Variants in CCDC18 observed in about 807,000 individuals in gnomAD.
CCDC18 encodes the protein coiled-coil domain-containing protein 18.
Under a neutral mutation model 196.0 loss-of-function variants are expected in CCDC18, and 157 were observed. The ratio of observed to expected loss-of-function variants is 0.80; its 90% CI spans 0.70 to 0.91. The LOEUF (loss-of-function observed/expected upper bound fraction) is 0.91. CCDC18 is among the 40% of genes least tolerant of loss of function. The pLI, the probability that CCDC18 is intolerant of heterozygous loss-of-function variation, is 0.00. For synonymous variants in CCDC18, 482 were observed against 529.2 expected (o/e 0.91, Z 1.22); for missense variants, 1,465 against 1,611.6 (o/e 0.91, Z 1.56).
intron 23 of CCDC18, 141 bp downstream of exon 23, chr1:93,247,095 G>C (rs1661586100): frequency 4.0e-6 from 2 of 494,510 alleles, no homozygotes; most frequent in Admixed American, 3.7e-5. Context: ...GTCGTTCTCT[G>C]TCACCCAGGC....
chr1:93,180,443 A>T, upstream of CCDC18: 1 of 1,326,492 alleles, frequency 7.5e-7, no homozygotes, highest in South Asian at 1.3e-5. Flanking sequence ...CGGGGCTAGC[A>T]GTCCTATTCC....
chr1:93,197,360 G>A (rs1009345525), intron 6 of CCDC18, among the ~76,000 whole-genome samples: 3 of 151,908 alleles, frequency 2.0e-5, no homozygotes, highest in South Asian at 2.1e-4. Context: ...GCTATAAATC[G>A]GTAAGCAATA....
In CCDC18 at chr1:93,258,103, AAATT is replaced by A. The variant is rs371683989; in HGVS notation, c.3547-637_3547-634del. Reference sequence around the variant, plus strand: ...AAATTAATTAAAATTAAATTAATAAAAATTAATTAATAATAATTAATTAAAAGAC... The same window carrying A: ...AAATTAATTAAAATTAAATTAATAAAAATTAATAATAATTAATTAAAAGAC... On this transcript the variant is annotated intron_variant, in intron 25 of 28. Transcript: ENST00000690025. Among the ~76,000 whole-genome samples the A allele has an allele frequency of 2.9e-3, 438 of 150,122 alleles. 2 individuals carry two copies. Among genetic ancestry groups the A allele is most frequent in the East Asian group, 0.018 (94 of 5,184 alleles).
At chr1:93,254,132 CA>C (rs569683921) in intron 23 of CCDC18, among the ~76,000 whole-genome samples, 2 of 152,046 alleles carry the variant, frequency 1.3e-5, no homozygotes, top group Non-Finnish European at 2.9e-5. Context: ...TGGTAGAATA[CA>C]ACTTCTACTT....
upstream of CCDC18, chr1:93,180,095 G>A: frequency 6.2e-7 from 1 of 1,613,584 alleles, no homozygotes; most frequent in Non-Finnish European, 8.5e-7. Flanking sequence ...GGCATGGGCT[G>A]GTAGAAGCAC....
At position 93,270,445 on chromosome 1, in the gene CCDC18, T is replaced by G. The variant is rs1245082317; in HGVS notation, c.3984T>G (p.Ile1328Met). Residue 1328 changes from isoleucine (I) to methionine (M), a missense_variant, in exon 28 of 29, where the codon ATT becomes ATG. Coordinates refer to ENST00000690025, the MANE Select transcript of CCDC18 (RefSeq NM_001378204.1). ...CCCCATTTACATCTCCAACAGAAAT[T>G]ATGCCTGATGTTCAAGATCCAAAAT... is the stretch of plus-strand genomic sequence containing the variant. The part of the protein sequence containing the change: ...LPAPFTSPTE[I>M]MPDVQDPKFA... 1 of 1,550,418 alleles carries G rather than the reference T, an allele frequency of 6.4e-7. No individual in the cohort carries two copies. Among genetic ancestry groups the G allele is most frequent in the Admixed American group, 2.0e-5 (1 of 50,986 alleles).
At chr1:93,193,942 C>A (rs753195164) in intron 6 of CCDC18, among the ~76,000 whole-genome samples, 198 bp downstream of exon 6, 1 of 151,752 alleles carries the variant, frequency 6.6e-6, no homozygotes, top group Non-Finnish European at 1.5e-5. Context: ...TTATTAGCAT[C>A]CTGGATTGGG....
intron 6 of CCDC18, among the ~76,000 whole-genome samples, chr1:93,195,649 A>G (rs1277394932): frequency 6.6e-6 from 1 of 151,970 alleles, no homozygotes; most frequent in Non-Finnish European, 1.5e-5. Flanking sequence ...TGACAGAGGG[A>G]GTTTGTTCCT....
intron 16 of CCDC18, among the ~76,000 whole-genome samples, chr1:93,224,992 CTA>C (rs1658055121): frequency 1.3e-5 from 2 of 152,106 alleles, no homozygotes; most frequent in Admixed American, 1.3e-4. Flanking sequence ...CATATACAGA[CTA>C]TAAGGGTGGT....
In CCDC18 at chr1:93,221,670, T is replaced by C; in HGVS notation, c.2024T>C (p.Met675Thr). Reference sequence around the variant, plus strand: ...AAAGAACAAGAAAAGACTATGTCCATGTTGCAACAAGATATAATATGCAAA... The same window carrying C: ...AAAGAACAAGAAAAGACTATGTCCACGTTGCAACAAGATATAATATGCAAA... ...QFKEQEKTMS[M>T]LQQDIICKQH... Residue 675 changes from methionine to threonine, a missense_variant, in exon 15 of 29, where the codon ATG becomes ACG. Coordinates refer to ENST00000690025, the MANE Select transcript of CCDC18 (RefSeq NM_001378204.1). The C allele has an allele frequency of 6.3e-7, 1 of 1,593,544 alleles. No individual in the cohort carries two copies. Among genetic ancestry groups the C allele is most frequent in the Non-Finnish European group, 8.5e-7 (1 of 1,173,956 alleles).
intron 16 of CCDC18, among the ~76,000 whole-genome samples, chr1:93,223,895 ATT>A (rs200738745): frequency 1.1e-3 from 113 of 102,220 alleles, no homozygotes; most frequent in African/African-American, 4.1e-3. Flanking sequence ...GATTTCATTT[ATT>A]TATACACACA....
chr1:93,264,996 C>A, intron 27 of CCDC18, 95 bp downstream of exon 27: 1 of 792,888 alleles, frequency 1.3e-6, no homozygotes, highest in Non-Finnish European at 2.1e-6. Context: ...GACTATATGA[C>A]CAAATATTGG....
At chr1:93,250,063 C>G (rs1662025097) in intron 23 of CCDC18, among the ~76,000 whole-genome samples, 3 of 151,380 alleles carry the variant, frequency 2.0e-5, no homozygotes, top group Admixed American at 1.3e-4. Flanking sequence ...TATTTTTATT[C>G]CATAGTGGTT....
At position 93,212,239 on chromosome 1, in the gene CCDC18, A is replaced by C. The variant is rs749868799; in HGVS notation, c.1473A>C (p.Val491=). Residue 491 remains valine (V), a synonymous_variant, in exon 11 of 29, where the codon GTA becomes GTC. Coordinates refer to ENST00000690025, the MANE Select transcript of CCDC18 (RefSeq NM_001378204.1). ...TAAGTAGTTTAGAAACAGAACCTGTAAAGCTAGGTGGTCATCAAGTAGGTA... is the reference window on the plus strand; with the variant it reads ...TAAGTAGTTTAGAAACAGAACCTGTCAAGCTAGGTGGTCATCAAGTAGGTA... ...SKLSSLETEP[V]KLGGHQVAES... 6.3e-7 allele frequency: 1 copy of C among 1,599,518 alleles called. No homozygotes were observed. Among genetic ancestry groups the C allele is most frequent in the South Asian group, 1.1e-5 (1 of 87,100 alleles).
At chr1:93,232,286 A>G (rs1254973151) in intron 17 of CCDC18, 140 bp from the exon 18 acceptor site, 11 of 529,892 alleles carry the variant, frequency 2.1e-5, no homozygotes, top group Admixed American at 3.5e-5. Context: ...TGTCCTTCCA[A>G]TGACAAACTA....
At chr1:93,181,159 T>TAA (rs71094239) in intron 1 of CCDC18, among the ~76,000 whole-genome samples, 6 of 89,870 alleles carry the variant, frequency 6.7e-5, no homozygotes, top group South Asian at 5.5e-4. Flanking sequence ...TCTATAAAAT[T>TAA]AAAAAAAAAA....
intron 28 of CCDC18, chr1:93,271,084 AAAAAAATT>A: frequency 1.0e-6 from 1 of 983,516 alleles, no homozygotes; most frequent in Middle Eastern, 5.2e-4. Context: ...GCTTAAAAAT[AAAAAAATT>A]AAAAAACTGA....
At chr1:93,214,676 C>T in intron 11 of CCDC18, 67 bp from the exon 12 acceptor site, 1 of 1,104,824 alleles carries the variant, frequency 9.1e-7, no homozygotes, top group East Asian at 2.4e-5. Flanking sequence ...CTAAATCTTT[C>T]AACTATTTAA....
chr1:93,265,127 A>C (rs923967393), intron 27 of CCDC18, among the ~76,000 whole-genome samples: 2 of 152,226 alleles, frequency 1.3e-5, no homozygotes, highest in Non-Finnish European at 2.9e-5. Flanking sequence ...AACTCATCTA[A>C]TCATAATGTT....
Sources: gnomAD v4.1 joint callset for allele counts (sites outside exome capture counted in the v4.1 genomes callset) on GRCh38, gnomAD v4.1.1 for gene constraint, MANE v1.5 for transcripts, NCBI Gene and HGNC (gene_info 2026-07-23, HGNC 2026-07-21) for gene names.